The following ST8SIA5 variants were observed in gnomAD, a reference collection of about 807,000 sequenced individuals.
ST8SIA5 encodes alpha-2,8-sialyltransferase 8E.
Under a neutral mutation model 40.2 loss-of-function variants are expected in ST8SIA5, and 24 were observed. The ratio of observed to expected loss-of-function variants is 0.60; its 90% confidence interval spans 0.43 to 0.84. The LOEUF is 0.84. Among genes scored for constraint, ST8SIA5 ranks in the 40% least tolerant of loss-of-function variants. The pLI, the probability that ST8SIA5 is intolerant of heterozygous loss-of-function variation, is 0.00. For synonymous variants in ST8SIA5, 198 were observed against 201.8 expected (o/e 0.98, Z 0.16); for missense variants, 465 against 498.5 (o/e 0.93, Z 0.64).
intron 3 of ST8SIA5, chr18:46,691,771 G>C: frequency 1.0e-5 from 2 of 194,616 alleles, no homozygotes; most frequent in Non-Finnish European, 2.1e-5. Flanking sequence ...TACTGGGTCA[G>C]AGCCGCTGCC....
At chr18:46,717,849 T>A (rs2039808010) in intron 1 of ST8SIA5, among the ~76,000 whole-genome samples, 1 of 152,086 alleles carries the variant, frequency 6.6e-6, no homozygotes. Flanking sequence ...TTTTTTTTTT[T>A]ACACAATTCA....
chr18:46,725,972 AATATATATATATAT>A (rs1555696955), intron 1 of ST8SIA5, among the ~76,000 whole-genome samples: 1 of 29,096 alleles, frequency 3.4e-5, no homozygotes, highest in African/African-American at 1.5e-4. Flanking sequence ...AAAAAAAAAA[AATATATATATATAT>A]ATATATATAT....
intron 1 of ST8SIA5, among the ~76,000 whole-genome samples, chr18:46,716,037 A>G (rs1306600851): frequency 6.6e-6 from 1 of 152,044 alleles, no homozygotes; most frequent in Non-Finnish European, 1.5e-5. Context: ...CCCAGAAGGA[A>G]GAACCCCTCT....
chr18:46,719,836 T>TTCTC (rs752547211), intron 1 of ST8SIA5, among the ~76,000 whole-genome samples: 2 of 147,338 alleles, frequency 1.4e-5, no homozygotes, highest in African/African-American at 2.5e-5. Context: ...CTTTCTTTCT[T>TTCTC]TCTCTCTCTC....
At chr18:46,695,628 C>A (rs974414560) in intron 2 of ST8SIA5, among the ~76,000 whole-genome samples, 1 of 152,158 alleles carries the variant, frequency 6.6e-6, no homozygotes, top group African/African-American at 2.4e-5. Flanking sequence ...ACTCACAGCC[C>A]CCTGTACTTT....
At chr18:46,740,671 G>A (rs1194208936) in intron 1 of ST8SIA5, among the ~76,000 whole-genome samples, 1 of 152,182 alleles carries the variant, frequency 6.6e-6, no homozygotes, top group Non-Finnish European at 1.5e-5. Flanking sequence ...AATTATGATA[G>A]AAATTAGAAA....
At chr18:46,711,874 C>T (rs897182043) in intron 1 of ST8SIA5, among the ~76,000 whole-genome samples, 2 of 152,346 alleles carry the variant, frequency 1.3e-5, no homozygotes, top group South Asian at 2.1e-4. Context: ...ACAGTTCACT[C>T]ATCTGTCCCC....
At chr18:46,725,821 A>C (rs2039912214) in intron 1 of ST8SIA5, among the ~76,000 whole-genome samples, 1 of 151,138 alleles carries the variant, frequency 6.6e-6, no homozygotes, top group Admixed American at 6.6e-5. Context: ...AAGATGACAA[A>C]ATGAAAAAAC....
At chr18:46,732,541 C>A (rs1483469451) in intron 1 of ST8SIA5, among the ~76,000 whole-genome samples, 2 of 152,154 alleles carry the variant, frequency 1.3e-5, no homozygotes, top group East Asian at 3.9e-4. Flanking sequence ...CAGGGCCCTG[C>A]CTGTCACCAC....
intron 1 of ST8SIA5, among the ~76,000 whole-genome samples, chr18:46,709,870 A>T (rs1200811966): frequency 6.6e-6 from 1 of 152,136 alleles, no homozygotes; most frequent in African/African-American, 2.4e-5. Flanking sequence ...ATTATTGGAA[A>T]TCACTAATAA....
Position 46,710,411 on chromosome 18 carries a change from C to CTTTCTCTCTCTTTCTT in ST8SIA5, c.132-5748_132-5747insAAGAAAGAGAGAGAAA, listed in dbSNP as rs1555695716. ...TCTTTCTTTCTTTCTTTCTTTCTTTCTTTCTTTTTCTTTCTCTCTCTTTCT... is the reference window on the plus strand; with the variant it reads ...TCTTTCTTTCTTTCTTTCTTTCTTTCTTTCTCTCTCTTTCTTTTTCTTTTTCTTTCTCTCTCTTTCT... On this transcript the variant is annotated intron_variant, in intron 1 of 6. Coordinates refer to ENST00000315087, the MANE Select transcript of ST8SIA5 (RefSeq NM_013305.6). 9.1e-3 allele frequency among the ~76,000 whole-genome samples: 1,165 copies of CTTTCTCTCTCTTTCTT among 128,584 alleles called. 28 individuals are homozygous for CTTTCTCTCTCTTTCTT. The East Asian group carries it at 0.092, about 10-fold the overall frequency. 84.4% of individuals were successfully genotyped at this position (128,584 alleles called of 152,430 possible).
intron 1 of ST8SIA5, among the ~76,000 whole-genome samples, chr18:46,747,926 G>A (rs1331468499): frequency 6.6e-6 from 1 of 152,146 alleles, no homozygotes; most frequent in South Asian, 2.1e-4. Flanking sequence ...TTGCAGGGAC[G>A]TGGATGAAGC....
chr18:46,735,672 G>T (rs1002587141), intron 1 of ST8SIA5, among the ~76,000 whole-genome samples: 2 of 152,130 alleles, frequency 1.3e-5, no homozygotes, highest in South Asian at 4.1e-4. Flanking sequence ...GAATGTAGCA[G>T]TGCTGTCATA....
chr18:46,742,780 G>A (rs143004056), intron 1 of ST8SIA5, among the ~76,000 whole-genome samples: 2,097 of 152,224 alleles, frequency 0.014, 53 homozygotes, highest in African/African-American at 0.046. Flanking sequence ...CCTGACCCCC[G>A]TATAGCCTAA....
chr18:46,743,395 G>A (rs2040106174), intron 1 of ST8SIA5, among the ~76,000 whole-genome samples: 1 of 152,150 alleles, frequency 6.6e-6, no homozygotes, highest in African/African-American at 2.4e-5. Flanking sequence ...TGAAAACTAT[G>A]GTACAAGAAC....
intron 1 of ST8SIA5, among the ~76,000 whole-genome samples, chr18:46,718,363 A>C (rs1234326043): frequency 4.6e-5 from 7 of 151,424 alleles, no homozygotes; most frequent in African/African-American, 1.5e-4. Context: ...AATTATTCCT[A>C]TATGCTCATT....
rs1421635005 is a variant in ST8SIA5, at chr18:46,677,022, T to C, written c.*3020A>G. 1 of 152,224 alleles carries C rather than the reference T, an allele frequency of 6.6e-6. No individual in the cohort carries two copies. Among genetic ancestry groups the C allele is most frequent in the Non-Finnish European group, 1.5e-5 (1 of 68,050 alleles). 9.4% of individuals were successfully genotyped at this position (152,224 alleles called of 1,614,324 possible). ...ATGTGCTATCTCTGGGCATCTTTCC[T>C]CACCTTAAAAATGTGACGATGGCCT... On this transcript the variant is annotated 3_prime_UTR_variant, in exon 7 of 7. Coordinates refer to ENST00000315087, the MANE Select transcript of ST8SIA5 (RefSeq NM_013305.6).
chr18:46,702,421 T>C (rs1332342823), intron 2 of ST8SIA5, among the ~76,000 whole-genome samples: 1 of 152,192 alleles, frequency 6.6e-6, no homozygotes, highest in Non-Finnish European at 1.5e-5. Context: ...CTCATGGCCC[T>C]TGGATAAAGG....
chr18:46,726,969 C>A (rs1474156454), intron 1 of ST8SIA5, among the ~76,000 whole-genome samples: 7 of 152,184 alleles, frequency 4.6e-5, no homozygotes, highest in Admixed American at 3.9e-4. Context: ...GTGCTAAACT[C>A]GTAATCACTA....
Sources: gnomAD v4.1 joint callset for allele counts (sites outside exome capture counted in the v4.1 genomes callset) on GRCh38, gnomAD v4.1.1 for gene constraint, MANE v1.5 for transcripts, NCBI Gene and HGNC (gene_info 2026-07-23, HGNC 2026-07-21) for gene names.